MYO18B: variants seen among roughly 807,000 people sequenced by gnomAD.
The protein encoded by MYO18B is myosin XVIIIB.
Under a neutral mutation model 273.0 loss-of-function variants are expected in MYO18B, and 204 were observed. The ratio of observed to expected loss-of-function variants is 0.75; its 90% CI spans 0.67 to 0.84. MYO18B has a LOEUF of 0.84. Ranked by LOEUF, MYO18B falls within the 40% of genes least tolerant of loss-of-function variation. The pLI is 0.00. For synonymous variants in MYO18B, 1,330 were observed against 1,305.7 expected (o/e 1.02, Z -0.40); for missense variants, 3,212 against 3,287.6 (o/e 0.98, Z 0.56).
chr22:25,838,545 A>G (rs1363902231), intron 17 of MYO18B, among the ~76,000 whole-genome samples: 5 of 152,220 alleles, frequency 3.3e-5, no homozygotes, highest in Admixed American at 3.3e-4. Flanking sequence ...GTGATTCCAT[A>G]AGATGATAAT....
intron 12 of MYO18B, among the ~76,000 whole-genome samples, chr22:25,817,869 C>T (rs2089106086): frequency 6.6e-6 from 1 of 152,242 alleles, no homozygotes; most frequent in Admixed American, 6.5e-5. Context: ...ACAACCACTA[C>T]AAGGTGCACC....
At chr22:25,828,279 T>A (rs1394735665) in intron 14 of MYO18B, among the ~76,000 whole-genome samples, 1 of 152,194 alleles carries the variant, frequency 6.6e-6, no homozygotes, top group Non-Finnish European at 1.5e-5. Flanking sequence ...GAAGCCCACA[T>A]GTGACTGGCT....
intron 11 of MYO18B, among the ~76,000 whole-genome samples, chr22:25,786,139 G>A (rs1435787210): frequency 6.6e-6 from 1 of 152,176 alleles, no homozygotes; most frequent in East Asian, 1.9e-4. Context: ...CACCACCTAT[G>A]CTGGGCCTGT....
In MYO18B at chr22:25,874,263, C is replaced by T. The variant is rs758903454; in HGVS notation, c.3952-23C>T. On this transcript the variant is annotated intron_variant, in intron 22 of 43. Coordinates refer to ENST00000335473, the MANE Select transcript of MYO18B (RefSeq NM_032608.7). Reference sequence around the variant, plus strand: ...ACAGCCTTCTTCAGCAGAGGACTCACCTGAAACCTTCCCTCTCCCCAGGTT... The same window carrying T: ...ACAGCCTTCTTCAGCAGAGGACTCATCTGAAACCTTCCCTCTCCCCAGGTT... 2.5e-6 allele frequency: 4 copies of T among 1,613,648 alleles called. No homozygotes were observed. In the African/African-American group the frequency reaches 5.3e-5, roughly 22 times the overall value.
chr22:26,031,088 C>T, downstream of MYO18B: 1 of 396,400 alleles, frequency 2.5e-6, no homozygotes, highest in Non-Finnish European at 4.4e-6. Flanking sequence ...CAAATGTGCA[C>T]CCACATCAAC....
intron 39 of MYO18B, among the ~76,000 whole-genome samples, chr22:25,984,627 AAATAAT>A (rs34901412): frequency 1.3e-4 from 20 of 150,502 alleles, no homozygotes; most frequent in South Asian, 6.3e-4. Flanking sequence ...CTGTTTCTAC[AAATAAT>A]AATAATAATA....
chr22:26,017,244 G>A (rs543660155), intron 42 of MYO18B, among the ~76,000 whole-genome samples: 38 of 146,928 alleles, frequency 2.6e-4, no homozygotes, highest in African/African-American at 8.1e-4. Context: ...CTATCAACTC[G>A]TAGCTTCTAC....
chr22:25,745,505 A>ACG lies in MYO18B; in HGVS notation c.-110+3213_-110+3214insGC, dbSNP rs544008038. Among the ~76,000 whole-genome samples the ACG allele has an allele frequency of 4.0e-3, 585 of 147,684 alleles. 3 individuals are homozygous for ACG. Among genetic ancestry groups the ACG allele is most frequent in the African/African-American group, 0.014 (553 of 39,536 alleles). ...CACACACACACACACACACACACGCACACACATCTCATTCAGTCTGAAGGA... is the reference window on the plus strand; with the variant it reads ...CACACACACACACACACACACACGCACGCACACATCTCATTCAGTCTGAAGGA... On this transcript the variant is annotated intron_variant, in intron 1 of 43. Coordinates refer to ENST00000335473, the MANE Select transcript of MYO18B (RefSeq NM_032608.7).
intron 12 of MYO18B, among the ~76,000 whole-genome samples, chr22:25,814,892 C>G (rs1470719307): frequency 6.6e-6 from 1 of 152,192 alleles, no homozygotes; most frequent in African/African-American, 2.4e-5. Context: ...AGTGAAGGCT[C>G]AGAGAAGTAA....
intron 40 of MYO18B, among the ~76,000 whole-genome samples, chr22:25,997,416 G>A (rs937530485): frequency 6.6e-6 from 1 of 150,426 alleles, no homozygotes; most frequent in African/African-American, 2.5e-5. Context: ...AAACCAAAAT[G>A]CAGGCCCTTC....
intron 11 of MYO18B, among the ~76,000 whole-genome samples, chr22:25,795,661 G>T (rs2087875250): frequency 6.6e-6 from 1 of 152,190 alleles, no homozygotes; most frequent in Admixed American, 6.5e-5. Context: ...CAGTTGCTAG[G>T]TTGAGCTCCT....
chr22:25,781,900 G>A (rs2087177622), intron 10 of MYO18B, 66 bp downstream of exon 10: 1 of 1,158,190 alleles, frequency 8.6e-7, no homozygotes, highest in East Asian at 2.9e-5. Flanking sequence ...TTCTTTGGGG[G>A]CCCAGCCTTA....
the MYO18B span, among the ~76,000 whole-genome samples, chr22:26,062,792 C>T: frequency 6.6e-6 from 1 of 152,142 alleles, no homozygotes; most frequent in Non-Finnish European, 1.5e-5. Context: ...ATGCAATCCC[C>T]AAGGCCAAGC....
At chr22:25,786,543 A>G (rs2087398390) in intron 11 of MYO18B, among the ~76,000 whole-genome samples, 1 of 152,218 alleles carries the variant, frequency 6.6e-6, no homozygotes, top group Non-Finnish European at 1.5e-5. Context: ...TTAACAAAAA[A>G]TGAGTCACAG....
intron 9 of MYO18B, among the ~76,000 whole-genome samples, chr22:25,781,117 T>TA: frequency 6.6e-6 from 1 of 152,354 alleles, no homozygotes; most frequent in African/African-American, 2.4e-5. Context: ...GTTAAGGTAT[T>TA]AAAGGCTTCT....
intron 33 of MYO18B, among the ~76,000 whole-genome samples, chr22:25,920,041 CCAT>C (rs2092319408): frequency 4.6e-5 from 7 of 152,098 alleles, no homozygotes; most frequent in Admixed American, 4.6e-4. Context: ...AGCCACTGCT[CCAT>C]CATCAGCAAA....
intron 21 of MYO18B, among the ~76,000 whole-genome samples, chr22:25,867,057 T>C (rs927665255): frequency 2.6e-5 from 4 of 152,222 alleles, no homozygotes; most frequent in Non-Finnish European, 5.9e-5. Flanking sequence ...AATCTGTCTC[T>C]GCCCTGTGTG....
At chr22:25,989,639 A>C (rs2093241080) in intron 39 of MYO18B, among the ~76,000 whole-genome samples, 1 of 119,498 alleles carries the variant, frequency 8.4e-6, no homozygotes, top group South Asian at 2.9e-4. Context: ...AAAAAAAAAA[A>C]AAAAAAAAAA....
intron 39 of MYO18B, among the ~76,000 whole-genome samples, chr22:25,989,637 A>C (rs1391540073): frequency 8.4e-6 from 1 of 119,036 alleles, no homozygotes; most frequent in Non-Finnish European, 2.0e-5. Flanking sequence ...AAAAAAAAAA[A>C]AAAAAAAAAA....
Sources: gnomAD v4.1 joint callset for allele counts (sites outside exome capture counted in the v4.1 genomes callset) on GRCh38, gnomAD v4.1.1 for gene constraint, MANE v1.5 for transcripts, NCBI Gene and HGNC (gene_info 2026-07-23, HGNC 2026-07-21) for gene names.